N4BP2L2: variants seen among roughly 807,000 people sequenced by gnomAD.
N4BP2L2 encodes the protein NEDD4-binding protein 2-like 2.
A neutral mutation model predicts 56.2 loss-of-function variants in N4BP2L2; 50 were observed. That is an observed-to-expected ratio of 0.89 (90% CI 0.71 to 1.13). N4BP2L2 has a LOEUF of 1.13. Ranked by LOEUF, N4BP2L2 falls within the 50% of genes most tolerant of loss-of-function variation. The probability of loss-of-function intolerance (pLI) is 0.00; values close to 1 mark genes in which losing one functional copy is unlikely to be tolerated. For missense variants in N4BP2L2, 689 were observed against 693.8 expected (o/e 0.99, Z 0.08); for synonymous variants, 203 against 223.6 (o/e 0.91, Z 0.82).
intron 6 of N4BP2L2, among the ~76,000 whole-genome samples, chr13:32,466,160 C>T (rs138616245): frequency 9.7e-4 from 147 of 152,150 alleles, no homozygotes; most frequent in African/African-American, 3.3e-3. Flanking sequence ...ATCAATAGAT[C>T]GAATAAGCAA....
At chr13:32,446,346 T>C (rs1431463412) in intron 6 of N4BP2L2, 1 of 1,364,108 alleles carries the variant, frequency 7.3e-7, no homozygotes, top group Non-Finnish European at 9.8e-7. Flanking sequence ...CTCTCCTTCA[T>C]GGCCAGTTCT....
At chr13:32,491,158 AG>A (rs2086981914) in intron 6 of N4BP2L2, among the ~76,000 whole-genome samples, 1 of 152,142 alleles carries the variant, frequency 6.6e-6, no homozygotes, top group Admixed American at 6.6e-5. Context: ...GAAAAGGGGC[AG>A]GGTGGTAATT....
intron 9 of N4BP2L2, among the ~76,000 whole-genome samples, chr13:32,434,616 C>T (rs1429903340): frequency 6.6e-6 from 1 of 152,088 alleles, no homozygotes; most frequent in East Asian, 1.9e-4. Flanking sequence ...CCCTGGCAAC[C>T]AGCAGGGAGA....
chr13:32,455,296 G>A (rs779316127), intron 6 of N4BP2L2, among the ~76,000 whole-genome samples: 1 of 152,074 alleles, frequency 6.6e-6, no homozygotes, highest in Non-Finnish European at 1.5e-5. Context: ...TACCACACTG[G>A]GGAGGCTGCC....
chr13:32,504,175 T>G (rs1236399285), intron 6 of N4BP2L2, among the ~76,000 whole-genome samples: 1 of 152,208 alleles, frequency 6.6e-6, no homozygotes, highest in Non-Finnish European at 1.5e-5. Flanking sequence ...ACAAAGGAAC[T>G]GCAGAAAAGA....
At chr13:32,439,221 C>T (rs1453737558) in intron 7 of N4BP2L2, among the ~76,000 whole-genome samples, 7 of 152,208 alleles carry the variant, frequency 4.6e-5, no homozygotes, top group South Asian at 2.1e-4. Context: ...ATTAATGTCA[C>T]TCATAAAATA....
chr13:32,442,751 G>A, exon 7 of N4BP2L2: 1 of 1,613,168 alleles, frequency 6.2e-7, no homozygotes, highest in South Asian at 1.1e-5. Context: ...ACAAAAGAAG[G>A]AATATAATTT....
chr13:32,532,968 C>A (rs953812128), intron 2 of N4BP2L2, among the ~76,000 whole-genome samples: 9 of 151,086 alleles, frequency 6.0e-5, no homozygotes, highest in Non-Finnish European at 1.0e-4. Context: ...AAGTGATGCT[C>A]CCCACCTCAG....
intron 6 of N4BP2L2, among the ~76,000 whole-genome samples, chr13:32,486,377 T>C (rs2085858296): frequency 6.6e-6 from 1 of 152,074 alleles, no homozygotes; most frequent in African/African-American, 2.4e-5. Context: ...TTAAAAACTA[T>C]TAAAAATAAT....
intron 7 of N4BP2L2, among the ~76,000 whole-genome samples, chr13:32,439,888 CA>C (rs2076042703): frequency 6.7e-6 from 1 of 149,712 alleles, no homozygotes; most frequent in African/African-American, 2.5e-5. Flanking sequence ...TAGCCGGGCG[CA>C]GTGGCGGGCA....
chr13:32,496,548 C>T (rs187288277), intron 6 of N4BP2L2, among the ~76,000 whole-genome samples: 9 of 152,262 alleles, frequency 5.9e-5, no homozygotes, highest in Admixed American at 3.3e-4. Context: ...CCTCCCACTG[C>T]GATGTTGTCA....
rs1407323376 is a variant in N4BP2L2, at chr13:32,478,917, G to C, written c.366-34791C>G. On this transcript the variant is annotated intron_variant, in intron 6 of 9. Coordinates refer to the N4BP2L2 transcript ENST00000357505. Reference sequence around the variant, plus strand: ...AGCCGAAGTGGATGGATCACCTGAGGTCAGGAGTTTGAGACCAGCCTGGCC... The same window carrying C: ...AGCCGAAGTGGATGGATCACCTGAGCTCAGGAGTTTGAGACCAGCCTGGCC... 4 of 152,294 alleles carry C rather than the reference G, an allele frequency of 2.6e-5. No homozygotes were observed. The East Asian group carries it at 7.8e-4, about 30-fold the overall frequency. The allele number at this position is 152,294 out of a possible 1,614,324, so 9.4% of individuals were successfully genotyped here.
chr13:32,521,914 T>C (rs2051057919), intron 4 of N4BP2L2: 2 of 361,420 alleles, frequency 5.5e-6, no homozygotes, highest in Non-Finnish European at 4.9e-6. Flanking sequence ...AGGCGGAGCT[T>C]GCAGTGAGCC....
intron 6 of N4BP2L2, among the ~76,000 whole-genome samples, chr13:32,483,185 A>G (rs1223556898): frequency 3.9e-5 from 6 of 152,228 alleles, no homozygotes; most frequent in African/African-American, 1.4e-4. Context: ...GCTATAATTC[A>G]CAACTAGTAT....
chr13:32,464,858 A>G (rs1346031948), intron 6 of N4BP2L2, among the ~76,000 whole-genome samples: 2 of 152,258 alleles, frequency 1.3e-5, no homozygotes, highest in South Asian at 4.1e-4. Context: ...CTCATTAGTA[A>G]TAAAACTAAT....
chr13:32,443,984 C>A lies in N4BP2L2; in HGVS notation c.508G>T (p.Asp170Tyr), dbSNP rs201479580. 1,730 of 1,608,010 alleles carry A rather than the reference C, an allele frequency of 1.1e-3. 14 individuals carry two copies. The Middle Eastern group carries it at 0.013, about 12-fold the overall frequency. Reference sequence around the variant, plus strand: ...TCTTCACTCTGAGATGGGTCCTGATCTCCCGGTGTAAGATCACTTAAGAAT... The same window carrying A: ...TCTTCACTCTGAGATGGGTCCTGATATCCCGGTGTAAGATCACTTAAGAAT... The change falls in exon 7 of 10, where the codon GAT becomes TAT. Residue 170 changes from aspartate to tyrosine, a missense_variant. By Grantham distance (160) the Asp-to-Tyr change is radical. Transcript: ENST00000357505.
Position 32,521,347 on chromosome 13 carries a change from A to T in N4BP2L2, c.1550+26T>A, listed in dbSNP as rs376745933. ...ACAAAAGAAAGAAGAAAAGTTAAGG[A>T]TTCAATAAAAATTCGAGTGTCTTAC... is the stretch of plus-strand genomic sequence containing the variant. On this transcript the variant is annotated intron_variant, in intron 5 of 5. Coordinates refer to ENST00000267068, the Ensembl canonical transcript of N4BP2L2. The T allele has an allele frequency of 2.5e-4, 368 of 1,484,350 alleles. 4 individuals are homozygous for T. The highest frequency in any genetic ancestry group is 1.9e-3 in the Middle Eastern group (10 of 5,390). The allele number at this position is 1,484,350 out of a possible 1,614,324, so 91.9% of individuals were successfully genotyped here. A position where few individuals can be genotyped will look rare whatever the true frequency, so the allele number is the denominator to read the frequency against.
chr13:32,519,102 AAGAT>A (rs1239759165), intron 5 of N4BP2L2, among the ~76,000 whole-genome samples: 1 of 152,148 alleles, frequency 6.6e-6, no homozygotes, highest in African/African-American at 2.4e-5. Flanking sequence ...GAAAGCAAAA[AAGAT>A]AGAAGAAAAA....
intron 6 of N4BP2L2, among the ~76,000 whole-genome samples, chr13:32,462,208 A>T (rs2080239382): frequency 6.6e-6 from 1 of 152,220 alleles, no homozygotes; most frequent in Non-Finnish European, 1.5e-5. Flanking sequence ...ACATAAATGG[A>T]TGGGTGGATA....
Sources: allele counts gnomAD v4.1 joint callset (sites outside exome capture counted in the v4.1 genomes callset), GRCh38; gene constraint gnomAD v4.1.1; transcripts MANE v1.5; gene names NCBI Gene and HGNC (gene_info 2026-07-23, HGNC 2026-07-21).